The following PHF2 variants were observed in gnomAD, a reference collection of about 807,000 sequenced individuals.
The protein encoded by PHF2 is lysine-specific demethylase PHF2.
In PHF2, 27 loss-of-function variants were observed where a neutral mutation model predicts 120.5. That is an observed-to-expected ratio of 0.22 (90% CI 0.17 to 0.31). PHF2 has a LOEUF of 0.31. Ranked by LOEUF, PHF2 falls within the 10% of genes least tolerant of loss-of-function variation. The pLI, the probability that PHF2 is intolerant of heterozygous loss-of-function variation, is 1.00. For synonymous variants in PHF2, 568 were observed against 592.5 expected (o/e 0.96, Z 0.60); for missense variants, 1,024 against 1,434.8 (o/e 0.71, Z 4.63).
intron 17 of PHF2, among the ~76,000 whole-genome samples, chr9:93,668,751 C>T (rs1224301237): frequency 6.6e-6 from 1 of 152,204 alleles, no homozygotes; most frequent in Non-Finnish European, 1.5e-5. Context: ...CCCAGAGCTT[C>T]CCCGCCCCGC....
At chr9:93,627,904 G>A (rs940365153) in intron 1 of PHF2, among the ~76,000 whole-genome samples, 1 of 152,184 alleles carries the variant, frequency 6.6e-6, no homozygotes, top group Non-Finnish European at 1.5e-5. Flanking sequence ...GAGCCCTGCT[G>A]CTTCTTGTAT....
intron 17 of PHF2, among the ~76,000 whole-genome samples, chr9:93,668,800 A>G (rs780508748): frequency 6.6e-6 from 1 of 152,212 alleles, no homozygotes; most frequent in Non-Finnish European, 1.5e-5. Context: ...GCACGTGCAC[A>G]TGTGCCTGCT....
At chr9:93,604,186 G>C (rs1181248424) in intron 1 of PHF2, among the ~76,000 whole-genome samples, 4 of 152,174 alleles carry the variant, frequency 2.6e-5, no homozygotes, top group Non-Finnish European at 2.9e-5. Flanking sequence ...GAGGCCTGCA[G>C]GGCTGAGGTC....
intron 14 of PHF2, among the ~76,000 whole-genome samples, chr9:93,665,210 CT>C (rs1826652603): frequency 6.6e-6 from 1 of 152,216 alleles, no homozygotes. Context: ...AACCAGGAAA[CT>C]TGGGTCCTTT....
chr9:93,647,732 A>G (rs928254005), intron 4 of PHF2, among the ~76,000 whole-genome samples: 1 of 152,204 alleles, frequency 6.6e-6, no homozygotes, highest in Non-Finnish European at 1.5e-5. Flanking sequence ...TCTACTAAAA[A>G]TACAGAAATT....
At chr9:93,643,685 A>C (rs1417328104) in intron 3 of PHF2, among the ~76,000 whole-genome samples, 1 of 152,056 alleles carries the variant, frequency 6.6e-6, no homozygotes, top group Non-Finnish European at 1.5e-5. Context: ...ACTCAGCTCC[A>C]CAACTTCTTT....
At chr9:93,579,993 G>A (rs1284282415) in intron 1 of PHF2, among the ~76,000 whole-genome samples, 1 of 152,214 alleles carries the variant, frequency 6.6e-6, no homozygotes, top group Non-Finnish European at 1.5e-5. Flanking sequence ...CCATGGGGAG[G>A]GAGAATCGTT....
chr9:93,650,415 C>T (rs543724608), intron 5 of PHF2, among the ~76,000 whole-genome samples: 18 of 152,358 alleles, frequency 1.2e-4, no homozygotes, highest in Admixed American at 5.2e-4. Context: ...CTAACACCTG[C>T]ACACACCCGT....
chr9:93,664,875 G>A (rs1014736546), intron 14 of PHF2, among the ~76,000 whole-genome samples: 3 of 152,350 alleles, frequency 2.0e-5, no homozygotes, highest in Non-Finnish European at 2.9e-5. Context: ...CGGGCTCGCC[G>A]CCCCTTCACT....
intron 2 of PHF2, among the ~76,000 whole-genome samples, chr9:93,633,645 C>T (rs973353623): frequency 6.6e-6 from 1 of 152,218 alleles, no homozygotes; most frequent in Non-Finnish European, 1.5e-5. Context: ...GTGACCTTGG[C>T]ACGGCCCCAC....
chr9:93,622,814 G>A (rs1289575812), intron 1 of PHF2, among the ~76,000 whole-genome samples: 2 of 152,194 alleles, frequency 1.3e-5, no homozygotes, highest in Non-Finnish European at 2.9e-5. Flanking sequence ...GCATGTTCCA[G>A]GGAGTGCTGG....
intron 1 of PHF2, among the ~76,000 whole-genome samples, chr9:93,596,807 G>A (rs1421963094): frequency 6.6e-6 from 1 of 151,780 alleles, no homozygotes; most frequent in African/African-American, 2.4e-5. Flanking sequence ...TGCCCAGGCT[G>A]GAGTGCAATG....
intron 1 of PHF2, among the ~76,000 whole-genome samples, chr9:93,615,241 GTGT>G (rs1825710868): frequency 1.3e-5 from 2 of 150,440 alleles, no homozygotes; most frequent in Admixed American, 6.6e-5. Flanking sequence ...GATGGTGATG[GTGT>G]TGATGGTGAT....
At chr9:93,638,996 G>A (rs1439533453) in intron 3 of PHF2, among the ~76,000 whole-genome samples, 1 of 152,230 alleles carries the variant, frequency 6.6e-6, no homozygotes, top group Non-Finnish European at 1.5e-5. Flanking sequence ...GGGATTACAA[G>A]CGTGAGCCAC....
rs1012038054 is a variant in PHF2 at position 93,656,668 on chromosome 9, C to G, written c.1147+73C>G. On this transcript the variant is annotated intron_variant, in intron 9 of 21. Transcript: ENST00000359246. This position sits in a 1 kb window ranked among gnomAD's most constrained non-coding sequence, Gnocchi z 4.1. The stretch of plus-strand genomic sequence containing the variant: ...TGGGGGCAGCCAGACCTGGTCAGGG[C>G]TGACTGTCTGGGTGTGAGTGCCGCC... The G allele has an allele frequency of 3.9e-6, 4 of 1,035,494 alleles. No individual in the cohort carries two copies. Among genetic ancestry groups the G allele is most frequent in the Non-Finnish European group, 6.0e-6 (4 of 668,544 alleles). The allele number at this position is 1,035,494 out of a possible 1,614,324, so 64.1% of individuals were successfully genotyped here. A position where few individuals can be genotyped will look rare whatever the true frequency, so the allele number is the denominator to read the frequency against.
chr9:93,638,325 G>A (rs1241123507), intron 3 of PHF2, among the ~76,000 whole-genome samples: 1 of 152,080 alleles, frequency 6.6e-6, no homozygotes, highest in Non-Finnish European at 1.5e-5. Flanking sequence ...TTGTGCTTTT[G>A]TTGCATATCT....
chr9:93,605,492 G>C (rs1825524981), intron 1 of PHF2, among the ~76,000 whole-genome samples: 1 of 152,164 alleles, frequency 6.6e-6, no homozygotes, highest in Non-Finnish European at 1.5e-5. Flanking sequence ...AGTCCTCTGT[G>C]CTCTGCCTAT....
intron 3 of PHF2, among the ~76,000 whole-genome samples, chr9:93,641,433 G>C (rs1826171139): frequency 6.6e-6 from 1 of 152,220 alleles, no homozygotes; most frequent in Non-Finnish European, 1.5e-5. Context: ...TCTCAGCTAT[G>C]ATTTTCTGTC....
intron 19 of PHF2, among the ~76,000 whole-genome samples, chr9:93,675,326 G>C (rs1587724734): frequency 6.6e-6 from 1 of 152,252 alleles, no homozygotes; most frequent in Admixed American, 6.5e-5. Context: ...CTCTGTGAGG[G>C]TCACCTTTGT....
Sources: gnomAD v4.1 joint callset for allele counts (sites outside exome capture counted in the v4.1 genomes callset) on GRCh38, gnomAD v4.1.1 for gene constraint, Gnocchi (gnomAD v3.1) non-coding constraint, MANE v1.5 for transcripts, NCBI Gene and HGNC (gene_info 2026-07-23, HGNC 2026-07-21) for gene names.